USP36: variants seen among roughly 807,000 people sequenced by gnomAD.
The protein encoded by USP36 is ubiquitin specific peptidase 36, also known as ubiquitin carboxyl-terminal hydrolase 36.
Under a neutral mutation model 111.5 loss-of-function variants are expected in USP36, and 59 were observed. The observed-to-expected ratio is 0.53, with a 90% CI of 0.43 to 0.66. The LOEUF is 0.66. Ranked by LOEUF, USP36 falls within the 30% of genes least tolerant of loss-of-function variation. The probability of loss-of-function intolerance (pLI) is 0.00; values close to 1 mark genes in which losing one functional copy is unlikely to be tolerated. For missense variants in USP36, 1,488 were observed against 1,468.0 expected (o/e 1.01, Z -0.22); for synonymous variants, 628 against 581.0 (o/e 1.08, Z -1.16).
At chr17:78,824,597 C>T (rs2067368207) in intron 6 of USP36, among the ~76,000 whole-genome samples, 1 of 152,154 alleles carries the variant, frequency 6.6e-6, no homozygotes. Context: ...CACACATCTT[C>T]CTAATATCCA....
intron 4 of USP36, among the ~76,000 whole-genome samples, chr17:78,831,682 C>T (rs1407410022): frequency 1.3e-4 from 20 of 152,034 alleles, no homozygotes; most frequent in Admixed American, 1.3e-3. Context: ...GTGGCTCACA[C>T]CTATAATCCG....
chr17:78,814,620 C>T lies in USP36; in HGVS notation c.1024-68G>A, dbSNP rs144916519. 560 of 1,553,450 alleles carry T rather than the reference C, an allele frequency of 3.6e-4. 3 individuals are homozygous for T. The African/African-American group carries it at 6.7e-3, about 19-fold the overall frequency. On this transcript the variant is annotated intron_variant, in intron 10 of 20. Transcript: ENST00000449938. ...AGAGTAAAGATCAATTTGCCCTTTC[C>T]ATCCACAACCACACAAAATGCCCAG...
chr17:78,804,484 A>C (rs1189526929), intron 15 of USP36, among the ~76,000 whole-genome samples: 1 of 53,206 alleles, frequency 1.9e-5, no homozygotes, highest in Non-Finnish European at 4.4e-5. Context: ...CCAAAAAAAC[A>C]AAAACAAAAA....
intron 4 of USP36, among the ~76,000 whole-genome samples, chr17:78,830,100 G>A (rs549300476): frequency 1.8e-4 from 27 of 152,100 alleles, no homozygotes; most frequent in Non-Finnish European, 2.8e-4. Flanking sequence ...TGTGATCGCC[G>A]AACTCCCCTC....
At chr17:78,809,779 C>T (rs2094003657) in intron 13 of USP36, among the ~76,000 whole-genome samples, 1 of 152,094 alleles carries the variant, frequency 6.6e-6, no homozygotes, top group Non-Finnish European at 1.5e-5. Context: ...TGCACCACCA[C>T]ACCTGGCTAA....
At chr17:78,799,536 T>C in intron 18 of USP36, 131 bp downstream of exon 18, 1 of 785,820 alleles carries the variant, frequency 1.3e-6, no homozygotes, top group Non-Finnish European at 2.1e-6. Flanking sequence ...TTGAGATTCC[T>C]CTTCCCATTC....
downstream of USP36, among the ~76,000 whole-genome samples, chr17:78,793,517 A>G (rs2093599873): frequency 6.6e-6 from 1 of 152,190 alleles, no homozygotes; most frequent in Non-Finnish European, 1.5e-5. Context: ...ATCTGCACGA[A>G]GCAGCAGCAG....
At chr17:78,831,119 G>A (rs750067239) in intron 4 of USP36, among the ~76,000 whole-genome samples, 5 of 150,732 alleles carry the variant, frequency 3.3e-5, no homozygotes, top group Non-Finnish European at 5.9e-5. Context: ...CCAGCTACTC[G>A]GGAGGCTGAG....
At chr17:78,794,737 G>A (rs2093608913), downstream of USP36, among the ~76,000 whole-genome samples, 2 of 152,200 alleles carry the variant, frequency 1.3e-5, no homozygotes, top group African/African-American at 4.8e-5. Context: ...GCCAGGCGCA[G>A]TGGCTCACGC....
intron 3 of USP36, among the ~76,000 whole-genome samples, chr17:78,790,452 G>A (rs1319429832): frequency 5.3e-5 from 8 of 152,058 alleles, no homozygotes; most frequent in Non-Finnish European, 1.0e-4. Flanking sequence ...CACGAGGCCC[G>A]GCTAATTTTT....
Position 78,814,515 on chromosome 17 carries a change from T to C in USP36, c.1061A>G (p.Tyr354Cys), listed in dbSNP as rs1344310573. 1 of 1,614,204 alleles carries C rather than the reference T, an allele frequency of 6.2e-7. No individual in the cohort carries two copies. The highest frequency in any genetic ancestry group is 8.5e-7 in the Non-Finnish European group (1 of 1,180,038). Reference protein sequence around the residue: ...GYPEFLNIRPYMSQNNGDPVM... With the variant: ...GYPEFLNIRPCMSQNNGDPVM... ...AGGATCACCATTATTCTGGGACATATACGGACGTATGTTGAGGAATTCCGG... is the reference window on the plus strand; with the variant it reads ...AGGATCACCATTATTCTGGGACATACACGGACGTATGTTGAGGAATTCCGG... The change falls in exon 11 of 21, where the codon TAT (tyrosine) becomes TGT (cysteine). Residue 354 changes from tyrosine (Y) to cysteine (C), a missense_variant. Transcript: ENST00000449938.
chr17:78,826,249 G>A (rs1464556113), intron 6 of USP36, among the ~76,000 whole-genome samples: 1 of 152,222 alleles, frequency 6.6e-6, no homozygotes, highest in African/African-American at 2.4e-5. Flanking sequence ...GTTTTCTTAA[G>A]CCAGGAATGG....
intron 1 of USP36, among the ~76,000 whole-genome samples, chr17:78,839,858 T>C (rs2069083390): frequency 6.6e-6 from 1 of 152,232 alleles, no homozygotes; most frequent in African/African-American, 2.4e-5. Flanking sequence ...ATGCTCTCTC[T>C]TGTCCAAGGA....
At chr17:78,804,500 A>AC (rs2093841162) in intron 15 of USP36, among the ~76,000 whole-genome samples, 1 of 150,896 alleles carries the variant, frequency 6.6e-6, no homozygotes, top group Admixed American at 6.6e-5. Context: ...AAAAACAAAA[A>AC]AAAAAAAACA....
At chr17:78,789,356 C>T (rs920777345) in intron 3 of USP36, among the ~76,000 whole-genome samples, 2 of 152,046 alleles carry the variant, frequency 1.3e-5, no homozygotes, top group Non-Finnish European at 2.9e-5. Context: ...TGACCCCTCC[C>T]ACCCAGAAGG....
chr17:78,818,642 C>G, intron 10 of USP36, 25 bp downstream of exon 10: 1 of 1,606,718 alleles, frequency 6.2e-7, no homozygotes, highest in Non-Finnish European at 8.5e-7. Context: ...ACGGAGCTGC[C>G]TGGGATGGTG....
At position 78,807,201 on chromosome 17, in the gene USP36, GGCTGGAGCT is replaced by G. The variant is rs1396056731; in HGVS notation, c.1834_1842del (p.Ser612_Ser614del). 2.5e-6 allele frequency: 4 copies of G among 1,613,994 alleles called. No individual in the cohort carries two copies. The highest frequency in any genetic ancestry group is 1.3e-5 in the African/African-American group (1 of 74,946). ...GAGTCGCTGCTGGCCGAGTGCTCTG[GGCTGGAGCT>G]GCTGGAGCCCCTCCTGTCGAGGCCA... On this transcript the variant is annotated inframe_deletion, in exon 14 of 21. Coordinates refer to ENST00000449938, the MANE Select transcript of USP36 (RefSeq NM_001385174.1).
chr17:78,802,547 T>C lies in USP36; in HGVS notation c.2811-12A>G. ...CCATGGGAGAGCAGCTGCTTGGAAG[T>C]GAGAGGCAGCAGTCAGCTCTGAGCA... On this transcript the variant is annotated splice_polypyrimidine_tract_variant and intron_variant, in intron 16 of 20. Coordinates refer to ENST00000449938, the MANE Select transcript of USP36 (RefSeq NM_001385174.1). The C allele has an allele frequency of 6.3e-7, 1 of 1,599,782 alleles. No individual in the cohort carries two copies. Among genetic ancestry groups the C allele is most frequent in the Non-Finnish European group, 8.5e-7 (1 of 1,178,484 alleles).
At chr17:78,804,625 TAAAAAAAAAA>T (rs35371422) in intron 15 of USP36, among the ~76,000 whole-genome samples, 6 of 38,310 alleles carry the variant, frequency 1.6e-4, no homozygotes, top group Admixed American at 6.0e-4. Context: ...CCCTGAGATT[TAAAAAAAAAA>T]AAAAAAAAAA....
Sources: allele counts gnomAD v4.1 joint callset (sites outside exome capture counted in the v4.1 genomes callset), GRCh38; gene constraint gnomAD v4.1.1; transcripts MANE v1.5; gene names NCBI Gene and HGNC (gene_info 2026-07-23, HGNC 2026-07-21).